The following TBX15 variants were observed in gnomAD, a reference collection of about 807,000 sequenced individuals.
TBX15 encodes the protein T-box transcription factor 15, also known as T-box transcription factor TBX15.
A neutral mutation model predicts 53.9 loss-of-function variants in TBX15; 18 were observed. That is an observed-to-expected ratio of 0.33 (90% CI 0.23 to 0.49). The LOEUF is 0.49. Among genes scored for constraint, TBX15 ranks in the 20% least tolerant of loss-of-function variants. The pLI, the probability that TBX15 is intolerant of heterozygous loss-of-function variation, is 0.98. For missense variants in TBX15, 692 were observed against 749.5 expected (o/e 0.92, Z 0.90); for synonymous variants, 295 against 278.0 (o/e 1.06, Z -0.61).
intron 7 of TBX15, chr1:118,891,035 G>A (rs939767648): frequency 2.2e-5 from 21 of 939,436 alleles, no homozygotes; most frequent in African/African-American, 3.5e-5. Flanking sequence ...CCCAGAGATC[G>A]TAAAGTTTAA....
chr1:118,938,371 T>C (rs536773847), intron 1 of TBX15, among the ~76,000 whole-genome samples: 1 of 152,142 alleles, frequency 6.6e-6, no homozygotes, highest in Non-Finnish European at 1.5e-5. Flanking sequence ...CCTACAGCAC[T>C]CTCCACTTAA....
At chr1:118,887,297 A>G (rs1290673514) in intron 7 of TBX15, among the ~76,000 whole-genome samples, 2 of 152,226 alleles carry the variant, frequency 1.3e-5, no homozygotes, top group Non-Finnish European at 1.5e-5. Flanking sequence ...GGACTCTTAG[A>G]AGCTGAGCAT....
intron 6 of TBX15, among the ~76,000 whole-genome samples, chr1:118,900,500 C>G (rs1035861341): frequency 6.6e-6 from 1 of 152,152 alleles, no homozygotes; most frequent in Non-Finnish European, 1.5e-5. Flanking sequence ...TCTGAACAGG[C>G]CTCACTTGCA....
At chr1:118,904,169 A>C (rs140480613) in intron 6 of TBX15, among the ~76,000 whole-genome samples, 1 of 152,172 alleles carries the variant, frequency 6.6e-6, no homozygotes, top group East Asian at 1.9e-4. Context: ...AGGTGCTTAG[A>C]TTTTGTCCCA....
At chr1:118,911,147 T>A (rs1378706077) in intron 6 of TBX15, among the ~76,000 whole-genome samples, 1 of 152,152 alleles carries the variant, frequency 6.6e-6, no homozygotes, top group Non-Finnish European at 1.5e-5. Flanking sequence ...TAATACCTGC[T>A]CCAGCTTTAC....
chr1:118,976,428 A>G (rs1657438812), intron 1 of TBX15, among the ~76,000 whole-genome samples: 1 of 152,226 alleles, frequency 6.6e-6, no homozygotes, highest in African/African-American at 2.4e-5. Context: ...GGCTTTACAG[A>G]CAAAGAATGA....
At chr1:118,919,127 C>T (rs1655341066) in intron 5 of TBX15, among the ~76,000 whole-genome samples, 1 of 152,162 alleles carries the variant, frequency 6.6e-6, no homozygotes, top group African/African-American at 2.4e-5. Context: ...AGCCAATTCT[C>T]ATCAAGAAAT....
At chr1:118,928,865 C>G (rs956396668) in intron 2 of TBX15, among the ~76,000 whole-genome samples, 1 of 152,170 alleles carries the variant, frequency 6.6e-6, no homozygotes, top group African/African-American at 2.4e-5. Context: ...AATCATTTAA[C>G]CCCATCACCT....
At chr1:118,970,946 A>C (rs182679609) in intron 1 of TBX15, among the ~76,000 whole-genome samples, 364 of 152,274 alleles carry the variant, frequency 2.4e-3, no homozygotes, top group Non-Finnish European at 3.9e-3. Flanking sequence ...AGTTAACCCA[A>C]TTCTGCTCTC....
At chr1:118,906,358 A>G (rs1311035219) in intron 6 of TBX15, among the ~76,000 whole-genome samples, 5 of 152,146 alleles carry the variant, frequency 3.3e-5, no homozygotes, top group Admixed American at 2.0e-4. Flanking sequence ...ACCCCCAATG[A>G]CAAGTTGTTT....
chr1:118,932,503 A>T (rs764829382), intron 1 of TBX15, among the ~76,000 whole-genome samples: 1 of 152,220 alleles, frequency 6.6e-6, no homozygotes, highest in Non-Finnish European at 1.5e-5. Context: ...AAGCATATGG[A>T]AAAAGTTACC....
At chr1:118,940,712 A>AG (rs1353605538) in intron 1 of TBX15, among the ~76,000 whole-genome samples, 3 of 134,662 alleles carry the variant, frequency 2.2e-5, no homozygotes, top group African/African-American at 8.5e-5. Flanking sequence ...CCAATGACCA[A>AG]GCATATCAGA....
rs1421892995 is a variant in TBX15 at position 118,883,114 on chromosome 1, G to A, written c.*1618C>T. 1 of 152,570 alleles carries A rather than the reference G, an allele frequency of 6.6e-6. No homozygotes were observed. Among genetic ancestry groups the A allele is most frequent in the Non-Finnish European group, 1.5e-5 (1 of 68,024 alleles). 9.5% of individuals were successfully genotyped at this position (152,570 alleles called of 1,614,324 possible). A position where few individuals can be genotyped will look rare whatever the true frequency, so the allele number is the denominator to read the frequency against. ...CTTAGAAACAGAGTTCCGTGCATAA[G>A]GGCAAATTTTTGTACACCTTTTCTT... On this transcript the variant is annotated 3_prime_UTR_variant, in exon 8 of 8. Coordinates refer to ENST00000369429, the MANE Select transcript of TBX15 (RefSeq NM_001330677.2).
intron 1 of TBX15, among the ~76,000 whole-genome samples, chr1:118,948,648 G>A (rs1044915349): frequency 1.3e-5 from 2 of 152,122 alleles, no homozygotes; most frequent in Non-Finnish European, 2.9e-5. Flanking sequence ...AGGACTCAAT[G>A]TTTGCAACTG....
chr1:118,922,380 C>A (rs1250900627), intron 5 of TBX15, among the ~76,000 whole-genome samples: 1 of 152,134 alleles, frequency 6.6e-6, no homozygotes, highest in East Asian at 1.9e-4. Context: ...TTCTATGCCC[C>A]GCTTTTCATG....
At chr1:118,920,145 T>C (rs1458579977) in intron 5 of TBX15, among the ~76,000 whole-genome samples, 1 of 152,156 alleles carries the variant, frequency 6.6e-6, no homozygotes, top group Non-Finnish European at 1.5e-5. Context: ...CAACTTCGTG[T>C]TTTCTACATC....
chr1:118,950,788 A>C (rs1750330), intron 1 of TBX15, among the ~76,000 whole-genome samples: 67,131 of 152,100 alleles, frequency 0.44, 15,195 homozygotes, highest in African/African-American at 0.52. Context: ...AGGAAGAAAA[A>C]AACCAGCTTC....
At chr1:118,940,704 A>G (rs1246151267) in intron 1 of TBX15, among the ~76,000 whole-genome samples, 1 of 147,522 alleles carries the variant, frequency 6.8e-6, no homozygotes, top group Non-Finnish European at 1.5e-5. Context: ...ATTCTACGCC[A>G]ATGACCAAGC....
intron 1 of TBX15, among the ~76,000 whole-genome samples, chr1:118,971,015 G>A (rs1657220361): frequency 6.6e-6 from 1 of 152,198 alleles, no homozygotes; most frequent in Non-Finnish European, 1.5e-5. Context: ...TTCTGTTTAA[G>A]AACACTAGAT....
Sources: allele counts gnomAD v4.1 joint callset (sites outside exome capture counted in the v4.1 genomes callset), GRCh38; gene constraint gnomAD v4.1.1; transcripts MANE v1.5; gene names NCBI Gene and HGNC (gene_info 2026-07-23, HGNC 2026-07-21).